ITGA8: variants seen among roughly 807,000 people sequenced by gnomAD.
ITGA8 encodes integrin subunit alpha 8, also known as integrin alpha-8.
ITGA8 carries 91 observed loss-of-function variants against 142.3 expected under a neutral mutation model. The observed-to-expected ratio is 0.64, with a 90% confidence interval of 0.54 to 0.76. ITGA8 has a LOEUF of 0.76. Ranked by LOEUF, ITGA8 falls within the 30% of genes least tolerant of loss-of-function variation. ITGA8 has a pLI of 0.00. For synonymous variants in ITGA8, 505 were observed against 485.2 expected (o/e 1.04, Z -0.54); for missense variants, 1,406 against 1,327.7 (o/e 1.06, Z -0.92).
At chr10:15,524,404 A>AT (rs1390344520) in intron 28 of ITGA8, among the ~76,000 whole-genome samples, 1 of 152,094 alleles carries the variant, frequency 6.6e-6, no homozygotes, top group African/African-American at 2.4e-5. Flanking sequence ...TAACTGAATA[A>AT]TTTTTTTCTG....
chr10:15,616,609 T>C (rs894673461), intron 13 of ITGA8, 50 bp from the exon 14 acceptor site: 2 of 1,500,702 alleles, frequency 1.3e-6, no homozygotes, highest in African/African-American at 1.4e-5. Flanking sequence ...ATAGAAACAA[T>C]TTACTAAGTT....
At chr10:15,549,886 A>C (rs1423202287) in intron 26 of ITGA8, among the ~76,000 whole-genome samples, 1 of 152,180 alleles carries the variant, frequency 6.6e-6, no homozygotes, top group Non-Finnish European at 1.5e-5. Flanking sequence ...AATTGCGGTG[A>C]AGTTCATTTC....
intron 20 of ITGA8, among the ~76,000 whole-genome samples, chr10:15,598,845 C>T (rs1417927721): frequency 1.3e-5 from 2 of 152,172 alleles, no homozygotes; most frequent in East Asian, 1.9e-4. Context: ...CAGTTAGTTA[C>T]GTCGGATGAG....
intron 13 of ITGA8, among the ~76,000 whole-genome samples, chr10:15,618,280 A>G (rs555840727): frequency 3.2e-4 from 49 of 152,204 alleles, no homozygotes; most frequent in Admixed American, 1.6e-3. Context: ...GGGCCACAGA[A>G]GAAGACTTAC....
chr10:15,688,874 A>G (rs1299292978), intron 2 of ITGA8, among the ~76,000 whole-genome samples: 1 of 152,254 alleles, frequency 6.6e-6, no homozygotes, highest in East Asian at 1.9e-4. Context: ...CATACATCAC[A>G]AGCCCACAGC....
chr10:15,545,139 A>G (rs189786739), intron 27 of ITGA8, among the ~76,000 whole-genome samples: 3 of 152,314 alleles, frequency 2.0e-5, no homozygotes, highest in African/African-American at 7.2e-5. Flanking sequence ...TTATGCACCA[A>G]TAGATAACTA....
chr10:15,560,988 C>T (rs571929174), intron 25 of ITGA8, among the ~76,000 whole-genome samples: 1 of 151,868 alleles, frequency 6.6e-6, no homozygotes, highest in Non-Finnish European at 1.5e-5. Flanking sequence ...CAGCTCATTA[C>T]AGCAGAGTGA....
chr10:15,534,784 T>C (rs7090368), intron 27 of ITGA8, among the ~76,000 whole-genome samples: 5,496 of 152,220 alleles, frequency 0.036, 362 homozygotes, highest in African/African-American at 0.13. Flanking sequence ...TAGCAAATAA[T>C]AGTGAGAGGT....
At chr10:15,557,089 T>C (rs946283752) in intron 26 of ITGA8, among the ~76,000 whole-genome samples, 6 of 152,144 alleles carry the variant, frequency 3.9e-5, no homozygotes, top group Non-Finnish European at 8.8e-5. Context: ...GAATCAAAAA[T>C]GCTGACTCTG....
chr10:15,655,469 C>G, intron 10 of ITGA8, 63 bp from the exon 11 acceptor site: 1 of 1,061,466 alleles, frequency 9.4e-7, no homozygotes, highest in Non-Finnish European at 1.5e-6. Flanking sequence ...AGTCATGTCT[C>G]TATTATTCCT....
At chr10:15,603,588 G>T (rs1833141611) in intron 20 of ITGA8, among the ~76,000 whole-genome samples, 1 of 152,202 alleles carries the variant, frequency 6.6e-6, no homozygotes, top group African/African-American at 2.4e-5. Flanking sequence ...CTTTGAATGG[G>T]AAGATTCATG....
chr10:15,611,775 G>A (rs2044894), intron 15 of ITGA8, among the ~76,000 whole-genome samples: 100,536 of 151,086 alleles, frequency 0.67, 34,770 homozygotes, highest in South Asian at 0.86. Flanking sequence ...CACCGCGCCC[G>A]GCCCCAAACA....
At chr10:15,643,486 G>A (rs1833906963) in intron 13 of ITGA8, among the ~76,000 whole-genome samples, 1 of 152,094 alleles carries the variant, frequency 6.6e-6, no homozygotes, top group Admixed American at 6.5e-5. Context: ...TACCATGTTG[G>A]CCAGGCTGGT....
intron 3 of ITGA8, among the ~76,000 whole-genome samples, chr10:15,686,966 C>A (rs914533706): frequency 3.9e-5 from 6 of 152,106 alleles, no homozygotes; most frequent in African/African-American, 1.4e-4. Context: ...ACAGTTATTA[C>A]AGAGTTAATT....
intron 11 of ITGA8, among the ~76,000 whole-genome samples, chr10:15,649,742 A>C (rs1834053003): frequency 6.6e-6 from 1 of 152,248 alleles, no homozygotes; most frequent in Admixed American, 6.5e-5. Context: ...TTAAAACCAC[A>C]ATGAGATACC....
chr10:15,681,582 G>A (rs1834738545), intron 4 of ITGA8, among the ~76,000 whole-genome samples: 1 of 152,202 alleles, frequency 6.6e-6, no homozygotes, highest in South Asian at 2.1e-4. Flanking sequence ...TGCATTTCAT[G>A]TGCTGTATTT....
chr10:15,612,981 T>G (rs2131615834), intron 15 of ITGA8, among the ~76,000 whole-genome samples: 1 of 152,236 alleles, frequency 6.6e-6, no homozygotes, highest in South Asian at 2.1e-4. Flanking sequence ...ACTAACATAG[T>G]GAAACCCCGT....
chr10:15,570,610 CAAAAA>C lies in ITGA8; in HGVS notation c.2637+1596_2637+1600del, dbSNP rs931457896. ...GGGCAACAATAGCGAAACTCCATCT[CAAAAA>C]AAAAAAAAAAAAAAAAAAAGAGAAT... On this transcript the variant is annotated intron_variant, in intron 25 of 29. Transcript: ENST00000378076. Among the ~76,000 whole-genome samples the C allele has an allele frequency of 7.5e-5, 3 of 40,038 alleles. No homozygotes were observed. In the Admixed American group the frequency reaches 7.7e-4, roughly 10 times the overall value. The allele number at this position is 40,038 out of a possible 152,430, so 26.3% of individuals were successfully genotyped here.
chr10:15,701,170 G>A (rs993505007), intron 2 of ITGA8, among the ~76,000 whole-genome samples: 1 of 152,202 alleles, frequency 6.6e-6, no homozygotes, highest in African/African-American at 2.4e-5. Flanking sequence ...ATGCATGGAT[G>A]TGTATGTGTG....
Sources: allele counts gnomAD v4.1 joint callset (sites outside exome capture counted in the v4.1 genomes callset), GRCh38; gene constraint gnomAD v4.1.1; transcripts MANE v1.5; gene names NCBI Gene and HGNC (gene_info 2026-07-23, HGNC 2026-07-21).